VEZT: variants seen among roughly 807,000 people sequenced by gnomAD.
VEZT encodes vezatin.
VEZT carries 39 observed loss-of-function variants against 79.9 expected under a neutral mutation model. That is an observed-to-expected ratio of 0.49 (90% confidence interval 0.38 to 0.64). The LOEUF is 0.64. Among genes scored for constraint, VEZT ranks in the 30% least tolerant of loss-of-function variants. VEZT has a pLI of 0.00. For synonymous variants in VEZT, 325 were observed against 327.6 expected (o/e 0.99, Z 0.09); for missense variants, 837 against 893.1 (o/e 0.94, Z 0.80).
chr12:95,285,724 T>C (rs1335033423), intron 8 of VEZT, among the ~76,000 whole-genome samples: 1 of 152,132 alleles, frequency 6.6e-6, no homozygotes, highest in East Asian at 1.9e-4. Context: ...TTCCTTATTA[T>C]CTGTAAAATG....
At chr12:95,259,268 G>C (rs1363625932) in intron 3 of VEZT, among the ~76,000 whole-genome samples, 1 of 150,978 alleles carries the variant, frequency 6.6e-6, no homozygotes, top group Non-Finnish European at 1.5e-5. Context: ...CGAAACTTCA[G>C]CCTATTGTGT....
At chr12:95,219,594 TA>T (rs893727747) in intron 1 of VEZT, among the ~76,000 whole-genome samples, 1 of 152,140 alleles carries the variant, frequency 6.6e-6, no homozygotes, top group African/African-American at 2.4e-5. Flanking sequence ...AACCTTTTTT[TA>T]AAAAAATACC....
chr12:95,230,104 CAA>C (rs11386464), intron 1 of VEZT, among the ~76,000 whole-genome samples: 1 of 72,364 alleles, frequency 1.4e-5, no homozygotes, highest in Non-Finnish European at 3.0e-5. Context: ...GATTCCGTCT[CAA>C]AAAAAAAAAA....
intron 5 of VEZT, among the ~76,000 whole-genome samples, chr12:95,269,651 T>C (rs538131011): frequency 6.6e-6 from 1 of 152,302 alleles, no homozygotes; most frequent in South Asian, 2.1e-4. Context: ...GGATATAGGT[T>C]TTGAAAACTG....
intron 5 of VEZT, among the ~76,000 whole-genome samples, chr12:95,267,267 A>C (rs2065713134): frequency 6.6e-6 from 1 of 152,240 alleles, no homozygotes. Context: ...TATGCTAGTC[A>C]CTTTTGCATA....
chr12:95,260,601 A>G (rs1454862331), intron 3 of VEZT, among the ~76,000 whole-genome samples: 1 of 151,896 alleles, frequency 6.6e-6, no homozygotes, highest in Non-Finnish European at 1.5e-5. Flanking sequence ...TGGCTTTTCC[A>G]CTCTCTGTCA....
intron 7 of VEZT, among the ~76,000 whole-genome samples, chr12:95,276,501 C>T (rs1003981299): frequency 6.6e-6 from 1 of 151,944 alleles, no homozygotes; most frequent in African/African-American, 2.4e-5. Flanking sequence ...AACTCCTGAG[C>T]TCAAACTATT....
Position 95,300,587 on chromosome 12 carries a change from T to C in VEZT, c.2254T>C (p.Phe752Leu). The change falls in exon 12 of 12, where the codon TTT (phenylalanine) becomes CTT (leucine). Residue 752 changes from phenylalanine to leucine, a missense_variant. Transcript: ENST00000436874. ...AGAAGTGGCTGCTAGATCTCTCTCC[T>C]TTACCACCATGCAGGAACAGACTTT... is the stretch of plus-strand genomic sequence containing the variant. ...AAEVAARSLS[F>L]TTMQEQTFGG... 1 of 1,613,828 alleles carries C rather than the reference T, an allele frequency of 6.2e-7. No homozygotes were observed. Among genetic ancestry groups the C allele is most frequent in the Non-Finnish European group, 8.5e-7 (1 of 1,179,814 alleles).
intron 8 of VEZT, among the ~76,000 whole-genome samples, chr12:95,287,065 T>C (rs1038430876): frequency 6.6e-6 from 1 of 152,220 alleles, no homozygotes; most frequent in African/African-American, 2.4e-5. Context: ...TGTTATTTCT[T>C]ATGAATAGCA....
intron 7 of VEZT, among the ~76,000 whole-genome samples, chr12:95,279,656 A>G (rs113308683): frequency 1.5e-4 from 23 of 152,322 alleles, no homozygotes; most frequent in Middle Eastern, 3.4e-3. Flanking sequence ...CAGTGGTGCA[A>G]TCGTGGCTCA....
chr12:95,273,027 G>A (rs779603363), intron 6 of VEZT, among the ~76,000 whole-genome samples: 1 of 152,184 alleles, frequency 6.6e-6, no homozygotes, highest in Non-Finnish European at 1.5e-5. Context: ...GAGCCACTGA[G>A]CCCAGCCTCA....
Position 95,283,354 on chromosome 12 carries a change from A to T in VEZT, c.1328+710A>T, listed in dbSNP as rs555056885. 7.2e-5 allele frequency among the ~76,000 whole-genome samples: 11 copies of T among 152,246 alleles called. No individual in the cohort carries two copies. The South Asian group carries it at 1.4e-3, about 20-fold the overall frequency. On this transcript the variant is annotated intron_variant, in intron 8 of 11. Coordinates refer to ENST00000436874, the MANE Select transcript of VEZT (RefSeq NM_017599.4). ...ATTGAATACAGTCATTTCCAGTGAA[A>T]TTTTTCTCTAACAGTTAAATACTCA...
intron 1 of VEZT, among the ~76,000 whole-genome samples, chr12:95,245,219 G>C (rs1347716889): frequency 1.3e-5 from 2 of 152,116 alleles, no homozygotes; most frequent in Non-Finnish European, 2.9e-5. Flanking sequence ...GGGTGAAAGG[G>C]GGACTCTGTC....
rs1331282282 is a variant in VEZT at position 95,235,278 on chromosome 12, G to T, written c.37-16662G>T. On this transcript the variant is annotated intron_variant, in intron 1 of 11. Coordinates refer to ENST00000436874, the MANE Select transcript of VEZT (RefSeq NM_017599.4). ...ACCTCCCGGACAGGGCGGCTGGCCG[G>T]GCGGGGGCTGACCCCCACCCACCTC... Among the ~76,000 whole-genome samples the T allele has an allele frequency of 1.7e-3, 100 of 58,404 alleles. 10 individuals carry two copies. Among genetic ancestry groups the T allele is most frequent in the African/African-American group, 0.017 (97 of 5,846 alleles). 38.3% of individuals were successfully genotyped at this position (58,404 alleles called of 152,430 possible).
chr12:95,253,615 T>C (rs2062977534), intron 2 of VEZT, among the ~76,000 whole-genome samples: 1 of 152,252 alleles, frequency 6.6e-6, no homozygotes, highest in Non-Finnish European at 1.5e-5. Flanking sequence ...CAGATGGTCA[T>C]TGACCTCTAA....
At chr12:95,279,391 A>C (rs2068495249) in intron 7 of VEZT, among the ~76,000 whole-genome samples, 1 of 152,122 alleles carries the variant, frequency 6.6e-6, no homozygotes, top group South Asian at 2.1e-4. Flanking sequence ...TAGTTTTTTA[A>C]ATTTATGAAG....
intron 4 of VEZT, among the ~76,000 whole-genome samples, chr12:95,265,977 T>C (rs1297206769): frequency 6.6e-6 from 1 of 152,198 alleles, no homozygotes; most frequent in Admixed American, 6.5e-5. Flanking sequence ...GGGTGGTATT[T>C]CTAGCTCCAG....
In VEZT at chr12:95,300,706, G is replaced by T. The variant is rs2075114937; in HGVS notation, c.*33G>T. On this transcript the variant is annotated 3_prime_UTR_variant, in exon 12 of 12. Transcript: ENST00000436874. ...GATTCATATGAAGTGATATTAGATT[G>T]TTCCTTTTACAAAAGTGTTTAGCTT... 3.3e-6 allele frequency: 5 copies of T among 1,518,310 alleles called. No individual in the cohort carries two copies. Among genetic ancestry groups the T allele is most frequent in the East Asian group, 2.3e-5 (1 of 43,832 alleles). The allele number at this position is 1,518,310 out of a possible 1,614,324, so 94.1% of individuals were successfully genotyped here.
chr12:95,254,153 T>C (rs547904042), intron 2 of VEZT, among the ~76,000 whole-genome samples: 63 of 151,626 alleles, frequency 4.2e-4, no homozygotes, highest in African/African-American at 1.3e-3. Context: ...GCTAATTTTC[T>C]TCTTTATTTT....
Sources: gnomAD v4.1 joint callset for allele counts (sites outside exome capture counted in the v4.1 genomes callset) on GRCh38, gnomAD v4.1.1 for gene constraint, MANE v1.5 for transcripts, NCBI Gene and HGNC (gene_info 2026-07-23, HGNC 2026-07-21) for gene names.